LPAR5: variants seen among roughly 807,000 people sequenced by gnomAD.
LPAR5 encodes the protein lysophosphatidic acid receptor 5.
For synonymous variants in LPAR5, 271 were observed against 261.6 expected, an observed-to-expected ratio of 1.04 and a Z score of -0.35; for missense variants, 544 against 521.8, an observed-to-expected ratio of 1.04 and a Z score of -0.41.
Position 6,624,144 on chromosome 12 carries a change from T to C in LPAR5, c.-216-2680A>G, listed in dbSNP as rs181608959. 2.0e-5 allele frequency among the ~76,000 whole-genome samples: 3 copies of C among 152,334 alleles called. No individual in the cohort carries two copies. The East Asian group carries it at 5.8e-4, about 29-fold the overall frequency. ...GAATAATAATATAATAATGCCCTCA[T>C]AGGCTGATTGCATGCTAGTCTTGAC... On this transcript the variant is annotated intron_variant, in intron 1 of 1. Transcript: ENST00000329858.
Position 6,621,068 on chromosome 12 carries a change from T to C in LPAR5, c.181A>G (p.Met61Val). The change falls in exon 2 of 2, where the codon ATG becomes GTG. Residue 61 changes from methionine (M) to valine (V), a missense_variant. Met to Val is a conservative substitution (Grantham distance 21). Transcript: ENST00000329858. ...LRVHSVVSVYMCNLAASDLLF... is the reference protein window; with the variant it reads ...LRVHSVVSVYVCNLAASDLLF... ...AGGTCGCTGGCCGCCAGGTTACACA[T>C]GTACACGCTCACCACCGAGTGCACG... The C allele has an allele frequency of 6.2e-7, 1 of 1,604,768 alleles. No homozygotes were observed. Among genetic ancestry groups the C allele is most frequent in the African/African-American group, 1.3e-5 (1 of 74,716 alleles).
chr12:6,621,301 A>C lies in LPAR5; in HGVS notation c.-53T>G, dbSNP rs1261328736. 2.4e-5 allele frequency: 34 copies of C among 1,436,306 alleles called. No homozygotes were observed. The highest frequency in any genetic ancestry group is 3.1e-5 in the Non-Finnish European group (34 of 1,092,422). 89.0% of individuals were successfully genotyped at this position (1,436,306 alleles called of 1,614,324 possible). On this transcript the variant is annotated 5_prime_UTR_variant, in exon 2 of 2. The change creates a new upstream start codon in the 5' untranslated region. Transcript: ENST00000329858. The stretch of plus-strand genomic sequence containing the variant: ...CTGGGGATGCCATGGAGCACACCAG[A>C]ATCATGGCATGGCATTCACCTCCGG...
chr12:6,630,196 T>C (rs1948972382), intron 1 of LPAR5, among the ~76,000 whole-genome samples: 1 of 151,468 alleles, frequency 6.6e-6, no homozygotes, highest in Admixed American at 6.6e-5. Context: ...CAATCTTGGC[T>C]CACTGCAACC....
chr12:6,620,722 A>G lies in LPAR5; in HGVS notation c.527T>C (p.Phe176Ser). 1 of 1,586,136 alleles carries G rather than the reference A, an allele frequency of 6.3e-7. No homozygotes were observed. The highest frequency in any genetic ancestry group is 1.8e-5 in the Admixed American group (1 of 56,354). The change falls in exon 2 of 2, where the codon TTC (phenylalanine) becomes TCC (serine). Residue 176 changes from phenylalanine (F) to serine (S), a missense_variant. Transcript: ENST00000329858. This position sits in a 1 kb window ranked among gnomAD's most constrained non-coding sequence, Gnocchi z 6.8. ...CCACAGCTCGTCGCTGAAGCTCTCG[A>G]AGCATAGGCGCACCTCGAGGTCCCG... The part of the protein sequence containing the change: ...RYRDLEVRLC[F>S]ESFSDELWKG...
At chr12:6,625,232 T>C (rs1222490698) in intron 1 of LPAR5, among the ~76,000 whole-genome samples, 5 of 151,390 alleles carry the variant, frequency 3.3e-5, no homozygotes, top group African/African-American at 1.2e-4. Flanking sequence ...GAGACCATCC[T>C]GGCTAACACG....
chr12:6,629,975 G>C (rs1232557310), intron 1 of LPAR5, among the ~76,000 whole-genome samples: 1 of 152,084 alleles, frequency 6.6e-6, no homozygotes, highest in Non-Finnish European at 1.5e-5. Context: ...AGTGAGCTGA[G>C]ATCGCGCCAC....
In LPAR5 at chr12:6,620,977, T is replaced by G. The variant is rs754038048; in HGVS notation, c.272A>C (p.Asp91Ala). The change falls in exon 2 of 2, where the codon GAC becomes GCC. Residue 91 changes from aspartate (D) to alanine (A), a missense_variant. Transcript: ENST00000329858. The surrounding 1 kb of genome is among the most constrained non-coding windows in gnomAD (Gnocchi z 6.8). Reference sequence around the variant, plus strand: ...GGCGCCCGTCGTCTGGCACAGGAGGTCGGGGAAGGGCCAGTGGTGCAGTGC... The same window carrying G: ...GGCGCCCGTCGTCTGGCACAGGAGGGCGGGGAAGGGCCAGTGGTGCAGTGC... The part of the protein sequence containing the change: ...YYALHHWPFP[D>A]LLCQTTGAIF... The G allele has an allele frequency of 6.2e-7, 1 of 1,612,722 alleles. No individual in the cohort carries two copies.
rs1281628815 is a variant in LPAR5 at position 6,621,169 on chromosome 12, AC to A, written c.79del (p.Val27TrpfsTer16). The A allele has an allele frequency of 1.6e-5, 26 of 1,582,402 alleles. No homozygotes were observed. Among genetic ancestry groups the A allele is most frequent in the Non-Finnish European group, 2.2e-5 (26 of 1,164,436 alleles). ...GGCAGCCAGCACCAAGCTGTAGACC[AC>A]CAAGTGCAGGCGGTGGGTAGGTCGG... ...DYRPTHRLHL[V>X]VYSLVLAAGL... On this transcript the variant is annotated frameshift_variant, in exon 2 of 2. Coordinates refer to ENST00000329858, the MANE Select transcript of LPAR5 (RefSeq NM_020400.6). LOFTEE classifies it low-confidence loss of function (END_TRUNC).
Position 6,620,985 on chromosome 12 carries a change from G to A in LPAR5, c.264C>T (p.Pro88=). 6.2e-7 allele frequency: 1 copy of A among 1,613,628 alleles called. No individual in the cohort carries two copies. The highest frequency in any genetic ancestry group is 8.5e-7 in the Non-Finnish European group (1 of 1,179,826). Residue 88 remains proline, a synonymous_variant, in exon 2 of 2, where the codon CCC becomes CCT. Transcript: ENST00000329858. The surrounding 1 kb of genome is among the most constrained non-coding windows in gnomAD (Gnocchi z 6.8). ...RLSYYALHHW[P]FPDLLCQTTG... ...TCGTCTGGCACAGGAGGTCGGGGAA[G>A]GGCCAGTGGTGCAGTGCGTAGTAGG... is the stretch of plus-strand genomic sequence containing the variant.
At chr12:6,628,006 C>A (rs981349101) in intron 1 of LPAR5, among the ~76,000 whole-genome samples, 2 of 137,698 alleles carry the variant, frequency 1.5e-5, no homozygotes, top group African/African-American at 5.1e-5. Flanking sequence ...ATCACTTGAT[C>A]ATTCTTTTCT....
In LPAR5 at chr12:6,620,227, G is replaced by A. The variant is rs1418495611; in HGVS notation, c.1022C>T (p.Ala341Val). 6.2e-7 allele frequency: 1 copy of A among 1,612,090 alleles called. No individual in the cohort carries two copies. The highest frequency in any genetic ancestry group is 8.5e-7 in the Non-Finnish European group (1 of 1,179,204). Residue 341 changes from alanine to valine, a missense_variant, in exon 2 of 2, where the codon GCC becomes GTC. Ala to Val is a moderately conservative substitution (Grantham distance 64). Coordinates refer to ENST00000329858, the MANE Select transcript of LPAR5 (RefSeq NM_020400.6). This position sits in a 1 kb window ranked among gnomAD's most constrained non-coding sequence, Gnocchi z 6.8. ...CTGACTGGCGGCATCCGGCCTGGTG[G>A]CGTCGGTGGTGACGGCGGACCTTTC... is the stretch of plus-strand genomic sequence containing the variant. ...QSERSAVTTD[A>V]TRPDAASQGL...
At chr12:6,624,843 C>T (rs1256411413) in intron 1 of LPAR5, among the ~76,000 whole-genome samples, 1 of 151,976 alleles carries the variant, frequency 6.6e-6, no homozygotes, top group African/African-American at 2.4e-5. Context: ...TGGTCTCGAT[C>T]TCCTGACCTC....
At position 6,621,060 on chromosome 12, in the gene LPAR5, G is replaced by C. The variant is rs1010538853; in HGVS notation, c.189C>G (p.Asn63Lys). 1.9e-6 allele frequency: 3 copies of C among 1,605,652 alleles called. No homozygotes were observed. The African/African-American group carries it at 4.0e-5, about 21-fold the overall frequency. ...VHSVVSVYMC[N>K]LAASDLLFTL... ...TGAAGAGCAGGTCGCTGGCCGCCAGGTTACACATGTACACGCTCACCACCG... is the reference window on the plus strand; with the variant it reads ...TGAAGAGCAGGTCGCTGGCCGCCAGCTTACACATGTACACGCTCACCACCG... The change falls in exon 2 of 2, where the codon AAC becomes AAG. Residue 63 changes from asparagine (N) to lysine (K), a missense_variant. Physicochemically the swap from Asn to Lys is moderately conservative, Grantham distance 94. Transcript: ENST00000329858.
chr12:6,633,154 G>T (rs537314219), intron 1 of LPAR5, among the ~76,000 whole-genome samples: 9 of 152,162 alleles, frequency 5.9e-5, no homozygotes, highest in Non-Finnish European at 1.2e-4. Flanking sequence ...CCTTGCCATT[G>T]TGCCTCTCCC....
intron 1 of LPAR5, among the ~76,000 whole-genome samples, chr12:6,630,245 A>G (rs1227409974): frequency 6.8e-6 from 1 of 148,132 alleles, no homozygotes; most frequent in Non-Finnish European, 1.5e-5. Context: ...TGCCTCAGCC[A>G]CCCAAGTAGC....
chr12:6,625,619 A>C (rs762733711), intron 1 of LPAR5, among the ~76,000 whole-genome samples: 4 of 150,482 alleles, frequency 2.7e-5, no homozygotes, highest in Non-Finnish European at 5.9e-5. Context: ...GTTACTCAGG[A>C]GGCTGAGACA....
intron 1 of LPAR5, among the ~76,000 whole-genome samples, chr12:6,630,961 A>G (rs531397208): frequency 1.3e-5 from 2 of 152,312 alleles, no homozygotes; most frequent in South Asian, 4.1e-4. Context: ...AACTGCCAAA[A>G]AGGAGGCTAA....
chr12:6,620,957 C>G lies in LPAR5; in HGVS notation c.292G>C (p.Gly98Arg), dbSNP rs918821712. The change falls in exon 2 of 2, where the codon GGC becomes CGC. Residue 98 changes from glycine to arginine, a missense_variant. Coordinates refer to ENST00000329858, the MANE Select transcript of LPAR5 (RefSeq NM_020400.6). The surrounding 1 kb of genome is among the most constrained non-coding windows in gnomAD (Gnocchi z 6.8). Reference sequence around the variant, plus strand: ...TACATGTTCATCTGGAAGATGGCGCCCGTCGTCTGGCACAGGAGGTCGGGG... The same window carrying G: ...TACATGTTCATCTGGAAGATGGCGCGCGTCGTCTGGCACAGGAGGTCGGGG... The part of the protein sequence containing the change: ...PFPDLLCQTT[G>R]AIFQMNMYGS... 4 of 1,612,684 alleles carry G rather than the reference C, an allele frequency of 2.5e-6. No individual in the cohort carries two copies. The Admixed American group carries it at 6.7e-5, about 27-fold the overall frequency.
At position 6,619,631 on chromosome 12, in the gene LPAR5, CAGT is replaced by C; in HGVS notation, c.*496_*498del. The C allele has an allele frequency of 1.3e-5, 4 of 309,262 alleles. No homozygotes were observed. The highest frequency in any genetic ancestry group is 1.2e-4 in the South Asian group (4 of 34,686). 19.2% of individuals were successfully genotyped at this position (309,262 alleles called of 1,614,324 possible). On this transcript the variant is annotated 3_prime_UTR_variant, in exon 2 of 2. Coordinates refer to ENST00000329858, the MANE Select transcript of LPAR5 (RefSeq NM_020400.6). ...CCATAGGAACTCTTGTATTAGGCCT[CAGT>C]GGTGAGCAGGGGAAGCCTAGGCCGA...
Sources: gnomAD v4.1 joint callset for allele counts (sites outside exome capture counted in the v4.1 genomes callset) on GRCh38, gnomAD v4.1.1 for gene constraint, Gnocchi (gnomAD v3.1) non-coding constraint, MANE v1.5 for transcripts, NCBI Gene and HGNC (gene_info 2026-07-23, HGNC 2026-07-21) for gene names.